The following FER variants were observed in gnomAD, a reference collection of about 807,000 sequenced individuals.
FER encodes the protein tyrosine-protein kinase Fer.
FER carries 63 observed loss-of-function variants against 111.0 expected under a neutral mutation model. The ratio of observed to expected loss-of-function variants is 0.57; its 90% CI spans 0.46 to 0.70. FER has a LOEUF of 0.70. Among genes scored for constraint, FER ranks in the 30% least tolerant of loss-of-function variants. The probability of loss-of-function intolerance (pLI) is 0.00; values close to 1 mark genes in which losing one functional copy is unlikely to be tolerated. For missense variants in FER, 914 were observed against 954.0 expected (o/e 0.96, Z 0.55); for synonymous variants, 327 against 313.9 (o/e 1.04, Z -0.44).
chr5:108,837,429 A>G (rs1211137665), intron 5 of FER, among the ~76,000 whole-genome samples: 9 of 152,206 alleles, frequency 5.9e-5, no homozygotes, highest in Non-Finnish European at 4.4e-5. Flanking sequence ...TACATTAAAC[A>G]TTACTTCTTA....
At chr5:108,977,205 CATTTTTATGTTCAT>C (rs1411676574) in intron 13 of FER, among the ~76,000 whole-genome samples, 2 of 152,118 alleles carry the variant, frequency 1.3e-5, no homozygotes, top group Non-Finnish European at 2.9e-5. Context: ...TTTAATACTG[CATTTTTATGTTCAT>C]ATTTTTCTGA....
intron 2 of FER, among the ~76,000 whole-genome samples, chr5:108,769,767 G>A (rs1037684838): frequency 6.6e-6 from 1 of 152,198 alleles, no homozygotes; most frequent in Non-Finnish European, 1.5e-5. Context: ...CTGGTATCAT[G>A]TACAGAAACC....
At chr5:108,842,347 T>G (rs1761350954) in intron 5 of FER, 1 of 152,122 alleles carries the variant, frequency 6.6e-6, no homozygotes. Context: ...CATAGGCAAG[T>G]ATTTCATGAC....
rs1048398190 is a variant in FER at position 109,016,377 on chromosome 5, T to C, written c.1657-21045T>C. The stretch of plus-strand genomic sequence containing the variant: ...TTGTCTTTGTTGATTAAAACTTCAC[T>C]GTGTATCAGCCACTCTGATTTGGAC... On this transcript the variant is annotated intron_variant, in intron 13 of 19. Transcript: ENST00000281092. Among the ~76,000 whole-genome samples, 257 of 152,144 alleles carry C rather than the reference T, an allele frequency of 1.7e-3. 2 individuals carry two copies. The highest frequency in any genetic ancestry group is 5.8e-3 in the African/African-American group (240 of 41,538).
intron 2 of FER, among the ~76,000 whole-genome samples, chr5:108,780,406 T>G (rs1487119535): frequency 1.3e-5 from 2 of 151,930 alleles, no homozygotes; most frequent in Non-Finnish European, 2.9e-5. Flanking sequence ...TTTTTTACTT[T>G]TTATCTTAAG....
At chr5:109,082,803 C>A (rs1381662744) in intron 16 of FER, among the ~76,000 whole-genome samples, 1 of 151,894 alleles carries the variant, frequency 6.6e-6, no homozygotes, top group Non-Finnish European at 1.5e-5. Flanking sequence ...GAAATGTCAT[C>A]CATCCTAGGA....
At chr5:109,132,213 A>G (rs1190676023) in intron 17 of FER, among the ~76,000 whole-genome samples, 2 of 152,216 alleles carry the variant, frequency 1.3e-5, no homozygotes, top group Non-Finnish European at 2.9e-5. Context: ...AACCGGTACT[A>G]AGCCAAATAT....
intron 18 of FER, among the ~76,000 whole-genome samples, chr5:109,183,398 G>A (rs866963761): frequency 1.8e-4 from 27 of 151,946 alleles, no homozygotes; most frequent in African/African-American, 4.6e-4. Context: ...ACAGGTGCCC[G>A]CCACCACGCC....
chr5:108,870,254 T>C (rs1764476023), intron 6 of FER, among the ~76,000 whole-genome samples: 1 of 152,126 alleles, frequency 6.6e-6, no homozygotes, highest in South Asian at 2.1e-4. Context: ...TACCCATTCA[T>C]ATAATATTAG....
At chr5:108,915,654 CT>C (rs1304658236) in intron 10 of FER, among the ~76,000 whole-genome samples, 2 of 149,910 alleles carry the variant, frequency 1.3e-5, no homozygotes. Context: ...GATGGGAACT[CT>C]TTTCTCTCCC....
chr5:108,977,254 CTGTT>C (rs971272127), intron 13 of FER, among the ~76,000 whole-genome samples: 1 of 152,056 alleles, frequency 6.6e-6, no homozygotes, highest in African/African-American at 2.4e-5. Context: ...CATGTATGGT[CTGTT>C]TGTGTATAAA....
intron 10 of FER, among the ~76,000 whole-genome samples, chr5:108,927,272 G>C (rs1386078020): frequency 8.8e-5 from 1 of 11,420 alleles, no homozygotes; most frequent in African/African-American, 1.0e-3. Flanking sequence ...TTTTTTTTTT[G>C]AGACGGAGTC....
intron 18 of FER, among the ~76,000 whole-genome samples, chr5:109,183,807 C>T (rs765485001): frequency 1.3e-5 from 2 of 152,136 alleles, no homozygotes; most frequent in African/African-American, 2.4e-5. Flanking sequence ...CCTGTTGTCA[C>T]TGCGTTATCA....
intron 13 of FER, among the ~76,000 whole-genome samples, chr5:108,973,235 A>T (rs895850011): frequency 6.6e-6 from 1 of 152,188 alleles, no homozygotes; most frequent in Admixed American, 6.5e-5. Context: ...TATCTTTATC[A>T]TATTAATTAA....
At position 109,009,389 on chromosome 5, in the gene FER, A is replaced by G. The variant is rs145132749; in HGVS notation, c.1657-28033A>G. 4.6e-3 allele frequency among the ~76,000 whole-genome samples: 701 copies of G among 152,182 alleles called. 5 individuals carry two copies. The highest frequency in any genetic ancestry group is 0.016 in the African/African-American group (665 of 41,536). ...CTTTCTTATGAAGTAACTTATAAGCATAATATATCTTACTTTGTTGATGTT... is the reference window on the plus strand; with the variant it reads ...CTTTCTTATGAAGTAACTTATAAGCGTAATATATCTTACTTTGTTGATGTT... On this transcript the variant is annotated intron_variant, in intron 13 of 19. Transcript: ENST00000281092.
intron 3 of FER, among the ~76,000 whole-genome samples, chr5:108,807,586 T>C (rs966597182): frequency 9.2e-5 from 14 of 152,184 alleles, no homozygotes; most frequent in Non-Finnish European, 7.3e-5. Flanking sequence ...TGTTTTGTTG[T>C]TTATTTGTAT....
intron 14 of FER, among the ~76,000 whole-genome samples, chr5:109,043,529 T>C (rs2149899036): frequency 6.6e-6 from 1 of 152,302 alleles, no homozygotes; most frequent in Admixed American, 6.5e-5. Flanking sequence ...TTTTATTTAT[T>C]AATAAGCCGT....
At chr5:108,971,661 T>G (rs923984621) in intron 13 of FER, among the ~76,000 whole-genome samples, 1 of 152,140 alleles carries the variant, frequency 6.6e-6, no homozygotes, top group Non-Finnish European at 1.5e-5. Flanking sequence ...GTTATAATAT[T>G]AAAACACAGC....
intron 17 of FER, among the ~76,000 whole-genome samples, chr5:109,113,931 G>A (rs577217426): frequency 6.6e-6 from 1 of 151,912 alleles, no homozygotes; most frequent in Non-Finnish European, 1.5e-5. Flanking sequence ...TGGGAAATAG[G>A]CAACAGATGA....
Sources: allele counts gnomAD v4.1 joint callset (sites outside exome capture counted in the v4.1 genomes callset), GRCh38; gene constraint gnomAD v4.1.1; transcripts MANE v1.5; gene names NCBI Gene and HGNC (gene_info 2026-07-23, HGNC 2026-07-21).